The following UCHL3 variants were observed in gnomAD, a reference collection of about 807,000 sequenced individuals.
The protein encoded by UCHL3 is ubiquitin C-terminal hydrolase L3, also known as ubiquitin carboxyl-terminal hydrolase isozyme L3.
In UCHL3, 22 loss-of-function variants were observed where a neutral mutation model predicts 35.8. That is an observed-to-expected ratio of 0.61 (90% CI 0.44 to 0.88). The LOEUF is 0.88. Ranked by LOEUF, UCHL3 falls within the 40% of genes least tolerant of loss-of-function variation. The probability of loss-of-function intolerance (pLI) is 0.00; values close to 1 mark genes in which losing one functional copy is unlikely to be tolerated. For missense variants in UCHL3, 229 were observed against 276.9 expected (o/e 0.83, Z 1.23); for synonymous variants, 90 against 92.8 (o/e 0.97, Z 0.17).
At chr13:75,592,450 A>ATACATATATATATATATGTATATATG (rs1566228153) in intron 6 of UCHL3, among the ~76,000 whole-genome samples, 2 of 119,006 alleles carry the variant, frequency 1.7e-5, no homozygotes, top group Non-Finnish European at 3.5e-5. Flanking sequence ...ATATATATAT[A>ATACATATATATATATATGTATATATG]TATATATATA....
At chr13:75,580,384 T>C (rs1288367542) in intron 6 of UCHL3, among the ~76,000 whole-genome samples, 3 of 152,246 alleles carry the variant, frequency 2.0e-5, no homozygotes, top group African/African-American at 7.2e-5. Flanking sequence ...GATTTTAAAC[T>C]CATAAAGTTA....
intron 6 of UCHL3, among the ~76,000 whole-genome samples, chr13:75,582,420 A>T (rs1453789126): frequency 4.6e-5 from 7 of 152,204 alleles, no homozygotes; most frequent in Admixed American, 3.9e-4. Context: ...CAGTCACATT[A>T]TACTGTTGCA....
At chr13:75,560,551 G>T (rs919502579) in intron 2 of UCHL3, among the ~76,000 whole-genome samples, 2 of 152,128 alleles carry the variant, frequency 1.3e-5, no homozygotes, top group Admixed American at 1.3e-4. Flanking sequence ...TATTTAGAGT[G>T]TGCATTGTGA....
chr13:75,604,731 A>C, intron 7 of UCHL3, 38 bp from the exon 8 acceptor site: 1 of 1,556,884 alleles, frequency 6.4e-7, no homozygotes, highest in Non-Finnish European at 8.7e-7. Context: ...ATCCTGTAAA[A>C]ACAGCTAAGC....
chr13:75,605,711 T>A lies in UCHL3; in HGVS notation c.610-18T>A. 1.9e-6 allele frequency: 3 copies of A among 1,600,120 alleles called. No homozygotes were observed. In the South Asian group the frequency reaches 3.4e-5, roughly 18 times the overall value. ...CACTTTTACACTGAAAAATCATACT[T>A]TTTTTTTTCCTCCATAGGATGCCAT... is the stretch of plus-strand genomic sequence containing the variant. On this transcript the variant is annotated intron_variant, in intron 8 of 8. Coordinates refer to ENST00000377595, the MANE Select transcript of UCHL3 (RefSeq NM_006002.5).
At chr13:75,587,017 CAAAA>C (rs3036429) in intron 6 of UCHL3, among the ~76,000 whole-genome samples, 1 of 98,976 alleles carries the variant, frequency 1.0e-5, no homozygotes, top group Non-Finnish European at 2.0e-5. Flanking sequence ...CTTAAGGTAG[CAAAA>C]AAAAAAAAAA....
rs34100020 is a variant in UCHL3 at position 75,559,030 on chromosome 13, C to CTT, written c.55-1697_55-1696dup. On this transcript the variant is annotated intron_variant, in intron 2 of 8. Transcript: ENST00000377595. ...CCATTGATCTCCTCAGCCCCGGACT[C>CTT]TTTTTTTTTTTTTTTTTTTTTTTTT... 8.6e-3 allele frequency among the ~76,000 whole-genome samples: 553 copies of CTT among 64,302 alleles called. 103 individuals carry two copies. The highest frequency in any genetic ancestry group is 0.032 in the African/African-American group (493 of 15,182). 42.2% of individuals were successfully genotyped at this position (64,302 alleles called of 152,430 possible).
intron 2 of UCHL3, among the ~76,000 whole-genome samples, chr13:75,551,319 T>A (rs906446945): frequency 6.6e-6 from 1 of 150,976 alleles, no homozygotes; most frequent in Admixed American, 6.6e-5. Context: ...TAATCCCGGG[T>A]ACTTGGGAGG....
In UCHL3 at chr13:75,590,987, T is replaced by C. The variant is rs1183624713; in HGVS notation, c.475-3928T>C. ...GACTATTAAAGGCAATGACTGTGGTTTGGCAGAGCCTCCCTAGAAATGGAA... is the reference window on the plus strand; with the variant it reads ...GACTATTAAAGGCAATGACTGTGGTCTGGCAGAGCCTCCCTAGAAATGGAA... On this transcript the variant is annotated intron_variant, in intron 6 of 8. Transcript: ENST00000377595. Among the ~76,000 whole-genome samples, 8 of 152,314 alleles carry C rather than the reference T, an allele frequency of 5.3e-5. No individual in the cohort carries two copies. In the East Asian group the frequency reaches 1.5e-3, roughly 29 times the overall value.
At chr13:75,553,141 C>T (rs567757077) in intron 2 of UCHL3, among the ~76,000 whole-genome samples, 1 of 152,300 alleles carries the variant, frequency 6.6e-6, no homozygotes, top group East Asian at 1.9e-4. Context: ...TATAAATTCT[C>T]ATAAGAATTC....
chr13:75,595,557 A>G (rs1490186542), intron 7 of UCHL3, among the ~76,000 whole-genome samples: 1 of 124,616 alleles, frequency 8.0e-6, no homozygotes, highest in African/African-American at 3.1e-5. Context: ...AGATCGTGCC[A>G]TGGTACTCCA....
intron 6 of UCHL3, chr13:75,590,184 T>C: frequency 1.6e-6 from 2 of 1,230,936 alleles, no homozygotes; most frequent in Non-Finnish European, 2.1e-6. Context: ...TGTCTTTTTT[T>C]TTTTTTTTTC....
At position 75,549,827 on chromosome 13, in the gene UCHL3, G is replaced by A. The variant is rs753514395; in HGVS notation, c.7G>A (p.Gly3Ser). Residue 3 changes from glycine to serine, a missense_variant, in exon 1 of 9, where the codon GGT becomes AGT. By Grantham distance (56) the Gly-to-Ser change is moderately conservative. Transcript: ENST00000377595. ME[G>S]QRWLPLEANP... ...AGGGCCGGGCACCGCGGCCATGGAG[G>A]GTCAACGCTGGCTGCCGCTGGAGGC... 5 of 1,591,428 alleles carry A rather than the reference G, an allele frequency of 3.1e-6. No homozygotes were observed. The highest frequency in any genetic ancestry group is 4.3e-6 in the Non-Finnish European group (5 of 1,170,354).
Position 75,567,228 on chromosome 13 carries a change from A to C in UCHL3, c.342A>C (p.Glu114Asp), listed in dbSNP as rs1442250673. Residue 114 changes from glutamate (E) to aspartate (D), a missense_variant and splice_region_variant, in exon 5 of 9, where the codon GAA becomes GAC. By Grantham distance (45) the Glu-to-Asp change is conservative (BLOSUM62 2). Coordinates refer to ENST00000377595, the MANE Select transcript of UCHL3 (RefSeq NM_006002.5). The part of the protein sequence containing the change: ...IANNKDKMHF[E>D]SGSTLKKFLE... ...TTTTATCTTCTTTCATATTCTCAGA[A>C]TCTGGATCAACCTTGAAAAAATTCC... is the stretch of plus-strand genomic sequence containing the variant. 3 of 1,613,950 alleles carry C rather than the reference A, an allele frequency of 1.9e-6. No individual in the cohort carries two copies. The highest frequency in any genetic ancestry group is 2.5e-6 in the Non-Finnish European group (3 of 1,179,918).
intron 6 of UCHL3, among the ~76,000 whole-genome samples, chr13:75,587,833 CTT>C (rs2032368150): frequency 6.6e-6 from 1 of 152,142 alleles, no homozygotes; most frequent in South Asian, 2.1e-4. Context: ...GAGGTAATGT[CTT>C]TGCCTCTGGA....
chr13:75,575,990 G>T (rs1461132766), intron 6 of UCHL3, among the ~76,000 whole-genome samples: 1 of 152,156 alleles, frequency 6.6e-6, no homozygotes, highest in African/African-American at 2.4e-5. Flanking sequence ...GGCTTCAGGT[G>T]ATCTGACTAC....
intron 7 of UCHL3, among the ~76,000 whole-genome samples, chr13:75,595,626 A>AAT (rs1670369079): frequency 6.7e-6 from 1 of 149,286 alleles, no homozygotes; most frequent in Non-Finnish European, 1.5e-5. Context: ...AAAAAAAAAA[A>AAT]AGAGCGTAAT....
rs1318430263 is a variant in UCHL3, at chr13:75,549,984, C to T, written c.51C>T (p.Asn17=). ...CTCTGTTTCGTTTTCAGGTCACCAA[C>T]CAGGTGAGTGAGGTGTCTGTCGCTC... The part of the protein sequence containing the change: ...LPLEANPEVT[N]QFLKQLGLHP... Residue 17 remains asparagine (N), a synonymous_variant, in exon 2 of 9, where the codon AAC becomes AAT. Coordinates refer to ENST00000377595, the MANE Select transcript of UCHL3 (RefSeq NM_006002.5). 4 of 1,614,132 alleles carry T rather than the reference C, an allele frequency of 2.5e-6. No homozygotes were observed. The highest frequency in any genetic ancestry group is 3.4e-6 in the Non-Finnish European group (4 of 1,180,046).
intron 6 of UCHL3, among the ~76,000 whole-genome samples, chr13:75,570,744 A>G (rs2031828863): frequency 6.6e-6 from 1 of 152,174 alleles, no homozygotes; most frequent in Admixed American, 6.5e-5. Context: ...CTCTGTCTCT[A>G]CAAAGAGTAA....
Sources: allele counts gnomAD v4.1 joint callset (sites outside exome capture counted in the v4.1 genomes callset), GRCh38; gene constraint gnomAD v4.1.1; transcripts MANE v1.5; gene names NCBI Gene and HGNC (gene_info 2026-07-23, HGNC 2026-07-21).